Variants in LRRC37B observed in about 807,000 individuals in gnomAD.
The protein encoded by LRRC37B is leucine-rich repeat-containing protein 37B.
A neutral mutation model predicts 98.3 loss-of-function variants in LRRC37B; 28 were observed. The ratio of observed to expected loss-of-function variants is 0.28; its 90% CI spans 0.21 to 0.39. LRRC37B has a LOEUF of 0.39. LRRC37B is among the 10% of genes least tolerant of loss of function. LRRC37B has a pLI of 1.00. For missense variants in LRRC37B, 938 were observed against 1,182.7 expected, an observed-to-expected ratio of 0.79 and a Z score of 3.03; for synonymous variants, 364 against 442.7, an observed-to-expected ratio of 0.82 and a Z score of 2.23.
chr17:32,050,722 CTG>C (rs2142264301), intron 11 of LRRC37B: 1 of 151,964 alleles, frequency 6.6e-6, no homozygotes, highest in South Asian at 2.1e-4. Flanking sequence ...CCTAGGCCCT[CTG>C]TGAGATGTGT....
chr17:32,037,961 CACAA>C (rs1187298748), intron 7 of LRRC37B, among the ~76,000 whole-genome samples: 1 of 151,994 alleles, frequency 6.6e-6, no homozygotes, highest in Non-Finnish European at 1.5e-5. Flanking sequence ...CACACACACA[CACAA>C]ACACACACAC....
At chr17:32,044,495 T>A (rs1911522670) in intron 7 of LRRC37B, among the ~76,000 whole-genome samples, 1 of 152,220 alleles carries the variant, frequency 6.6e-6, no homozygotes, top group African/African-American at 2.4e-5. Context: ...GAATACTGCA[T>A]AGGTGACGTA....
intron 7 of LRRC37B, chr17:32,041,251 G>A: frequency 1.3e-6 from 1 of 767,884 alleles, no homozygotes; most frequent in Non-Finnish European, 2.4e-6. Flanking sequence ...GGCTTCCCCT[G>A]CACCACAGTC....
chr17:32,020,378 T>C (rs2008368), upstream of LRRC37B, among the ~76,000 whole-genome samples: 19,084 of 152,134 alleles, frequency 0.13, 1,312 homozygotes, highest in Middle Eastern at 0.15. Context: ...ACAGGGTAGA[T>C]CTCTGAAGGG....
chr17:32,027,564 C>T (rs1911004937), intron 2 of LRRC37B, among the ~76,000 whole-genome samples: 1 of 151,146 alleles, frequency 6.6e-6, no homozygotes, highest in East Asian at 1.9e-4. Context: ...TGTGTGTGCG[C>T]TTGCCTGTGT....
chr17:32,007,826 G>GC (rs943743538), upstream of LRRC37B: 69 of 1,177,082 alleles, frequency 5.9e-5, no homozygotes, highest in African/African-American at 1.0e-3. The surrounding 1 kb of genome is among the most constrained non-coding windows in gnomAD (Gnocchi z 4.1). Flanking sequence ...GCCGGAGGAA[G>GC]CCACCGCCGC....
exon 1 of LRRC37B, chr17:32,022,381 C>G: frequency 6.2e-7 from 1 of 1,613,904 alleles, no homozygotes; most frequent in Non-Finnish European, 8.5e-7. Context: ...TCACACCTGA[C>G]TGAAGCCACA....
At chr17:32,048,927 C>T in intron 9 of LRRC37B, 175 bp from the exon 13 acceptor site, 1 of 1,320,738 alleles carries the variant, frequency 7.6e-7, no homozygotes, top group South Asian at 1.2e-5. Flanking sequence ...TGTTCAAAGA[C>T]ACATCTCTGA....
exon 1 of LRRC37B, chr17:32,021,243 G>C (rs1257311975): frequency 2.5e-6 from 4 of 1,612,670 alleles, no homozygotes; most frequent in Non-Finnish European, 3.4e-6. Flanking sequence ...GTGGGTCAAG[G>C]ACCCGCTCCA....
Position 32,045,692 on chromosome 17 carries a change from A to T in LRRC37B, c.2205-8A>T, listed in dbSNP as rs1567619536. 4 of 1,605,126 alleles carry T rather than the reference A, an allele frequency of 2.5e-6. No individual in the cohort carries two copies. The highest frequency in any genetic ancestry group is 1.3e-5 in the African/African-American group (1 of 75,026). On this transcript the variant is annotated splice_region_variant and splice_polypyrimidine_tract_variant and intron_variant, in intron 7 of 11. Transcript: ENST00000327564. ...CACTAATTTATTGTTTTGTGTTTTC[A>T]TCTATAGGATCTTACCTAGCCATAT...
At chr17:32,024,168 T>G (rs1236349854) in intron 1 of LRRC37B, among the ~76,000 whole-genome samples, 1 of 151,884 alleles carries the variant, frequency 6.6e-6, no homozygotes, top group Non-Finnish European at 1.5e-5. Flanking sequence ...AGGAAAAGCT[T>G]ATTTCAGGGA....
At chr17:32,049,912 G>A (rs1911699306) in intron 10 of LRRC37B, 91 bp from the exon 14 acceptor site, 2 of 697,772 alleles carry the variant, frequency 2.9e-6, no homozygotes, top group Non-Finnish European at 4.9e-6. Context: ...TACTCAACTG[G>A]CATACTGGGG....
At chr17:32,041,372 C>G in intron 7 of LRRC37B, 1 of 754,138 alleles carries the variant, frequency 1.3e-6, no homozygotes, top group Non-Finnish European at 2.4e-6. Flanking sequence ...TGTATGACTT[C>G]CAGCCTGAGA....
At chr17:32,021,418 C>T in exon 1 of LRRC37B, 1 of 1,613,744 alleles carries the variant, frequency 6.2e-7, no homozygotes, top group Non-Finnish European at 8.5e-7. Context: ...CAGGAACCAA[C>T]TGAAAATTTG....
At chr17:32,031,083 C>G (rs572468759) in intron 4 of LRRC37B, among the ~76,000 whole-genome samples, 256 of 151,834 alleles carry the variant, frequency 1.7e-3, no homozygotes, top group African/African-American at 5.6e-3. Context: ...ACCCCCACGG[C>G]AAAGAGTTAT....
intron 5 of LRRC37B, among the ~76,000 whole-genome samples, chr17:32,032,690 C>T (rs1361118566): frequency 1.3e-5 from 2 of 152,148 alleles, no homozygotes; most frequent in Non-Finnish European, 2.9e-5. Context: ...TCCTCTCTGT[C>T]TTCATTAATT....
upstream of LRRC37B, among the ~76,000 whole-genome samples, chr17:32,019,567 T>C (rs1344588808): frequency 6.6e-6 from 1 of 152,258 alleles, no homozygotes; most frequent in African/African-American, 2.4e-5. Context: ...TTACTATTTA[T>C]GGATTTTTTT....
intron 7 of LRRC37B, among the ~76,000 whole-genome samples, chr17:32,039,373 A>G (rs1911340062): frequency 6.8e-6 from 1 of 147,740 alleles, no homozygotes. Context: ...GCTACTGGGG[A>G]GGCTGAGGCG....
intron 8 of LRRC37B, among the ~76,000 whole-genome samples, chr17:32,046,599 C>CTTTT (rs796570580): frequency 6.3e-4 from 84 of 132,802 alleles, no homozygotes; most frequent in African/African-American, 8.1e-4. Context: ...TTCTTTTTTT[C>CTTTT]TTTTTTTTTT....
Sources: gnomAD v4.1 joint callset for allele counts (sites outside exome capture counted in the v4.1 genomes callset) on GRCh38, gnomAD v4.1.1 for gene constraint, Gnocchi (gnomAD v3.1) non-coding constraint, MANE v1.5 for transcripts, NCBI Gene and HGNC (gene_info 2026-07-23, HGNC 2026-07-21) for gene names.